MAF: variants seen among roughly 807,000 people sequenced by gnomAD.
The protein encoded by MAF is transcription factor Maf.
MAF carries 10 observed loss-of-function variants against 22.0 expected under a neutral mutation model. The observed-to-expected ratio is 0.45, with a 90% CI of 0.28 to 0.77. MAF has a LOEUF of 0.77. Ranked by LOEUF, MAF falls within the 30% of genes least tolerant of loss-of-function variation. The probability of loss-of-function intolerance (pLI) is 0.12; values close to 1 mark genes in which losing one functional copy is unlikely to be tolerated. For missense variants in MAF, 544 were observed against 548.4 expected (o/e 0.99, Z 0.08); for synonymous variants, 337 against 255.8 (o/e 1.32, Z -3.03).
the MAF span, among the ~76,000 whole-genome samples, chr16:79,221,497 T>C: frequency 6.6e-6 from 1 of 152,220 alleles, no homozygotes; most frequent in Admixed American, 6.5e-5. Context: ...CTATATCTCA[T>C]GTTCAATCTG....
At chr16:79,335,997 G>A in the MAF span, among the ~76,000 whole-genome samples, 12 of 152,122 alleles carry the variant, frequency 7.9e-5, no homozygotes, top group East Asian at 1.9e-4. Flanking sequence ...GATGTGGGAC[G>A]GAGTGATCCT....
the MAF span, among the ~76,000 whole-genome samples, chr16:79,215,570 A>G: frequency 1.3e-5 from 2 of 152,278 alleles, no homozygotes; most frequent in East Asian, 3.9e-4. Context: ...TAGGGCCTCT[A>G]TGCTGACTTC....
At chr16:79,401,068 G>A in the MAF span, among the ~76,000 whole-genome samples, 10 of 152,132 alleles carry the variant, frequency 6.6e-5, no homozygotes, top group East Asian at 1.9e-4. Flanking sequence ...TGGTGAGGTC[G>A]GCTCCCTTGG....
chr16:79,207,768 C>T, the MAF span, among the ~76,000 whole-genome samples: 1 of 146,452 alleles, frequency 6.8e-6, no homozygotes, highest in Non-Finnish European at 1.5e-5. Context: ...CAATGCATTA[C>T]AAATATCAAT....
chr16:79,355,000 G>T, the MAF span, among the ~76,000 whole-genome samples: 1 of 152,126 alleles, frequency 6.6e-6, no homozygotes, highest in African/African-American at 2.4e-5. Context: ...GAGACAGTCA[G>T]AAATTGTTTC....
chr16:79,493,592 C>A, the MAF span, among the ~76,000 whole-genome samples: 1 of 152,202 alleles, frequency 6.6e-6, no homozygotes, highest in East Asian at 1.9e-4. Flanking sequence ...GGATTACAGG[C>A]ATGAGCCACT....
chr16:79,560,194 C>T, the MAF span, among the ~76,000 whole-genome samples: 2 of 151,974 alleles, frequency 1.3e-5, no homozygotes, highest in African/African-American at 4.8e-5. Context: ...TACAGGTGCA[C>T]CTGGGCCAGG....
the MAF span, among the ~76,000 whole-genome samples, chr16:79,365,329 A>G: frequency 6.6e-6 from 1 of 152,160 alleles, no homozygotes; most frequent in Admixed American, 6.5e-5. Flanking sequence ...GTAGTTTCAC[A>G]TTTCTATGTG....
At chr16:79,372,889 C>G in the MAF span, among the ~76,000 whole-genome samples, 1 of 152,194 alleles carries the variant, frequency 6.6e-6, no homozygotes, top group Non-Finnish European at 1.5e-5. Context: ...GGACCTTCAG[C>G]CTGCACTTGC....
At chr16:79,391,872 A>AAGGAGG in the MAF span, among the ~76,000 whole-genome samples, 1,706 of 136,932 alleles carry the variant, frequency 0.012, 43 homozygotes, top group African/African-American at 0.046. Context: ...GGAGGAGGAG[A>AAGGAGG]AGGAGGAGGA....
the MAF span, among the ~76,000 whole-genome samples, chr16:79,462,555 G>A: frequency 6.6e-6 from 1 of 152,088 alleles, no homozygotes; most frequent in African/African-American, 2.4e-5. Flanking sequence ...ACACATATAT[G>A]CACATATACA....
chr16:79,523,282 A>G, the MAF span, among the ~76,000 whole-genome samples: 1 of 152,206 alleles, frequency 6.6e-6, no homozygotes, highest in Non-Finnish European at 1.5e-5. Flanking sequence ...ATCCTTCTGT[A>G]ACTAATTCTC....
chr16:79,230,948 A>T, the MAF span, among the ~76,000 whole-genome samples: 2 of 152,104 alleles, frequency 1.3e-5, no homozygotes, highest in Non-Finnish European at 2.9e-5. Context: ...TGCCCAAAAT[A>T]TACGGATATC....
the MAF span, among the ~76,000 whole-genome samples, chr16:79,231,095 T>C: frequency 6.6e-6 from 1 of 151,974 alleles, no homozygotes; most frequent in Non-Finnish European, 1.5e-5. Flanking sequence ...CCAGGAAAAA[T>C]GGAGTAAAAA....
At chr16:79,488,063 T>G in the MAF span, among the ~76,000 whole-genome samples, 1 of 152,108 alleles carries the variant, frequency 6.6e-6, no homozygotes, top group Non-Finnish European at 1.5e-5. Context: ...AGTAGAAGTC[T>G]CAAGACTTAA....
At chr16:79,521,823 C>G in the MAF span, among the ~76,000 whole-genome samples, 2 of 152,156 alleles carry the variant, frequency 1.3e-5, no homozygotes, top group Non-Finnish European at 2.9e-5. Context: ...AGACACCATA[C>G]TAAGCACTCT....
At chr16:79,395,498 A>C in the MAF span, among the ~76,000 whole-genome samples, 1 of 152,144 alleles carries the variant, frequency 6.6e-6, no homozygotes, top group Non-Finnish European at 1.5e-5. Flanking sequence ...TAATCTCAAC[A>C]CAGAAGTCAT....
At chr16:79,391,860 A>AAGGAGGAGGAGAAGGAGG in the MAF span, among the ~76,000 whole-genome samples, 176 of 144,844 alleles carry the variant, frequency 1.2e-3, 1 homozygote, top group Middle Eastern at 3.7e-3. Flanking sequence ...GAGAGAGAAG[A>AAGGAGGAGGAGAAGGAGG]AGGAGGAGGA....
the MAF span, among the ~76,000 whole-genome samples, chr16:79,563,014 C>A: frequency 4.7e-3 from 711 of 152,320 alleles, 6 homozygotes; most frequent in African/African-American, 0.016. Context: ...CTCCTCCTGT[C>A]CATTCATCCG....
Sources: gnomAD v4.1 joint callset for allele counts (sites outside exome capture counted in the v4.1 genomes callset) on GRCh38, gnomAD v4.1.1 for gene constraint, MANE v1.5 for transcripts, NCBI Gene and HGNC (gene_info 2026-07-23, HGNC 2026-07-21) for gene names.